SLC9A9: variants seen among roughly 807,000 people sequenced by gnomAD.
SLC9A9 encodes sodium/hydrogen exchanger 9.
Under a neutral mutation model 77.8 loss-of-function variants are expected in SLC9A9, and 62 were observed. The ratio of observed to expected loss-of-function variants is 0.80; its 90% confidence interval spans 0.65 to 0.98. The LOEUF (loss-of-function observed/expected upper bound fraction) is 0.98, where lower values mean the gene tolerates loss of function less well. SLC9A9 is among the 50% of genes least tolerant of loss of function. SLC9A9 has a pLI of 0.00. For synonymous variants in SLC9A9, 320 were observed against 283.5 expected (o/e 1.13, Z -1.29); for missense variants, 775 against 774.9 (o/e 1.00, Z 0.00).
intron 6 of SLC9A9, among the ~76,000 whole-genome samples, chr3:143,596,025 G>A (rs1319299831): frequency 6.6e-6 from 1 of 152,052 alleles, no homozygotes; most frequent in Admixed American, 6.5e-5. Context: ...GAGATGGAGG[G>A]TTTTTGCAAT....
intron 12 of SLC9A9, among the ~76,000 whole-genome samples, chr3:143,448,611 T>C (rs1362708664): frequency 6.6e-6 from 1 of 151,590 alleles, no homozygotes; most frequent in Non-Finnish European, 1.5e-5. Flanking sequence ...TTCAACCTTG[T>C]TGGAAAGCAA....
chr3:143,542,130 T>G (rs574001475), intron 9 of SLC9A9, among the ~76,000 whole-genome samples: 2 of 152,360 alleles, frequency 1.3e-5, no homozygotes, highest in East Asian at 3.9e-4. Context: ...GGAGCTCCAC[T>G]ATCATTAGCA....
intron 9 of SLC9A9, among the ~76,000 whole-genome samples, chr3:143,499,040 G>C (rs552987863): frequency 1.4e-4 from 22 of 152,192 alleles, no homozygotes; most frequent in Admixed American, 3.9e-4. Flanking sequence ...ATAGTGCCAT[G>C]CAGTTTCCCA....
intron 4 of SLC9A9, among the ~76,000 whole-genome samples, chr3:143,759,621 G>A (rs2007047165): frequency 6.6e-6 from 1 of 151,726 alleles, no homozygotes; most frequent in Non-Finnish European, 1.5e-5. Context: ...CGGATGCAAT[G>A]AGACCTCCTC....
At chr3:143,505,340 T>C (rs989583281) in intron 9 of SLC9A9, among the ~76,000 whole-genome samples, 1 of 152,220 alleles carries the variant, frequency 6.6e-6, no homozygotes, top group African/African-American at 2.4e-5. Flanking sequence ...AAATTCTGTT[T>C]TGCCCTGTGC....
chr3:143,450,514 T>A (rs1346038764), intron 12 of SLC9A9, among the ~76,000 whole-genome samples: 1 of 152,040 alleles, frequency 6.6e-6, no homozygotes, highest in Non-Finnish European at 1.5e-5. Context: ...TTTTATTTTT[T>A]AAAATAATTT....
chr3:143,326,202 C>G (rs1157430711), intron 14 of SLC9A9, among the ~76,000 whole-genome samples: 1 of 152,102 alleles, frequency 6.6e-6, no homozygotes, highest in Non-Finnish European at 1.5e-5. Flanking sequence ...ATCGAGGTCA[C>G]CATTGTCTCT....
At position 143,757,967 on chromosome 3, in the gene SLC9A9, C is replaced by T. The variant is rs575995535; in HGVS notation, c.533+37034G>A. On this transcript the variant is annotated intron_variant, in intron 4 of 15. Transcript: ENST00000316549. ...AGTATGTGGGGAGGGAGGCTGAACC[C>T]GTCATCTTTGTTATTGCTACCACCA... 1.8e-4 allele frequency among the ~76,000 whole-genome samples: 28 copies of T among 152,176 alleles called. No homozygotes were observed. The South Asian group carries it at 5.4e-3, about 29-fold the overall frequency.
intron 15 of SLC9A9, among the ~76,000 whole-genome samples, chr3:143,268,345 G>A (rs1029487839): frequency 5.9e-5 from 9 of 152,094 alleles, no homozygotes; most frequent in African/African-American, 2.2e-4. Flanking sequence ...GTCATTTTAT[G>A]GTTAAAAATA....
intron 14 of SLC9A9, among the ~76,000 whole-genome samples, chr3:143,292,601 CG>C (rs2030060027): frequency 1.3e-5 from 2 of 152,096 alleles, no homozygotes; most frequent in Admixed American, 1.3e-4. Context: ...AGCTATAAAA[CG>C]AGGTGTGTGG....
At chr3:143,325,731 G>A (rs1000910426) in intron 14 of SLC9A9, among the ~76,000 whole-genome samples, 22 of 152,204 alleles carry the variant, frequency 1.4e-4, no homozygotes, top group Non-Finnish European at 2.8e-4. Context: ...TCAGTACTAT[G>A]AGCAGCAGCC....
chr3:143,733,933 A>G (rs1934873685), intron 4 of SLC9A9, among the ~76,000 whole-genome samples: 1 of 152,178 alleles, frequency 6.6e-6, no homozygotes, highest in African/African-American at 2.4e-5. Context: ...ACAGTGGCTA[A>G]TACCTATAAT....
intron 11 of SLC9A9, among the ~76,000 whole-genome samples, chr3:143,479,535 G>A (rs1023208572): frequency 2.0e-5 from 3 of 152,280 alleles, no homozygotes; most frequent in Admixed American, 6.5e-5. Context: ...TTATAGGTGT[G>A]AGCCAACATG....
chr3:143,552,554 T>C (rs77003891), intron 8 of SLC9A9, 104 bp from the exon 9 acceptor site: 28,786 of 894,730 alleles, frequency 0.032, 673 homozygotes, highest in South Asian at 0.09. Context: ...TCAGTAGAGT[T>C]AAAACTGCTA....
intron 1 of SLC9A9, among the ~76,000 whole-genome samples, chr3:143,846,333 T>C (rs2009829213): frequency 6.6e-6 from 1 of 152,238 alleles, no homozygotes; most frequent in South Asian, 2.1e-4. Context: ...TAATATGATA[T>C]CAAGAATTAC....
intron 12 of SLC9A9, among the ~76,000 whole-genome samples, chr3:143,405,867 T>C (rs1024992072): frequency 2.6e-5 from 4 of 152,240 alleles, no homozygotes; most frequent in African/African-American, 9.6e-5. Context: ...TAAAATTGAA[T>C]AGATTTTCTT....
At chr3:143,729,923 T>A (rs1934757273) in intron 4 of SLC9A9, among the ~76,000 whole-genome samples, 1 of 152,238 alleles carries the variant, frequency 6.6e-6, no homozygotes, top group South Asian at 2.1e-4. Flanking sequence ...TGGGTAAATA[T>A]GTTTTATTAT....
At chr3:143,425,615 T>C (rs1355420183) in intron 12 of SLC9A9, among the ~76,000 whole-genome samples, 1 of 152,178 alleles carries the variant, frequency 6.6e-6, no homozygotes, top group Admixed American at 6.5e-5. Context: ...TGTTTGAGTT[T>C]GAGAATGGGT....
intron 6 of SLC9A9, among the ~76,000 whole-genome samples, chr3:143,581,547 C>T (rs1035259581): frequency 5.9e-5 from 9 of 151,946 alleles, no homozygotes; most frequent in African/African-American, 1.7e-4. Flanking sequence ...GTCTTTCCTT[C>T]CTTTCTCTTT....
Sources: gnomAD v4.1 joint callset for allele counts (sites outside exome capture counted in the v4.1 genomes callset) on GRCh38, gnomAD v4.1.1 for gene constraint, MANE v1.5 for transcripts, NCBI Gene and HGNC (gene_info 2026-07-23, HGNC 2026-07-21) for gene names.